Variants in C1orf21 observed in about 807,000 individuals in gnomAD.
C1orf21 encodes chromosome 1 open reading frame 21.
Under a neutral mutation model 18.7 loss-of-function variants are expected in C1orf21, and 3 were observed. That is an observed-to-expected ratio of 0.16 (90% CI 0.07 to 0.42). The LOEUF is 0.42. C1orf21 is among the 10% of genes least tolerant of loss of function. The pLI is 0.99. For synonymous variants in C1orf21, 41 were observed against 46.4 expected (o/e 0.88, Z 0.47); for missense variants, 104 against 143.6 (o/e 0.72, Z 1.41).
intron 3 of C1orf21, among the ~76,000 whole-genome samples, chr1:184,569,931 C>A (rs1444309781): frequency 6.6e-6 from 1 of 152,136 alleles, no homozygotes; most frequent in East Asian, 1.9e-4. Flanking sequence ...GGCCCTTTAA[C>A]TGAGTCTTCA....
chr1:184,490,144 T>C (rs2101955654), intron 2 of C1orf21, among the ~76,000 whole-genome samples: 1 of 152,342 alleles, frequency 6.6e-6, no homozygotes, highest in African/African-American at 2.4e-5. Context: ...CTGGCACTTG[T>C]TGGTTTCATT....
chr1:184,547,319 A>G (rs1263130975), intron 3 of C1orf21, among the ~76,000 whole-genome samples: 2 of 150,870 alleles, frequency 1.3e-5, no homozygotes, highest in African/African-American at 4.9e-5. Context: ...CAGGGTCTGA[A>G]TTATTCTGTT....
At chr1:184,553,446 C>T (rs371606586) in intron 3 of C1orf21, among the ~76,000 whole-genome samples, 1 of 152,288 alleles carries the variant, frequency 6.6e-6, no homozygotes, top group East Asian at 1.9e-4. Context: ...GCCGTAAACA[C>T]TGAATGGACT....
At chr1:184,524,631 G>A (rs143975220) in intron 3 of C1orf21, among the ~76,000 whole-genome samples, 80 of 151,598 alleles carry the variant, frequency 5.3e-4, no homozygotes, top group African/African-American at 1.9e-3. Context: ...TAGAACTAGG[G>A]TTTTTTTTAA....
intron 3 of C1orf21, among the ~76,000 whole-genome samples, chr1:184,586,238 G>C (rs1394657556): frequency 1.3e-5 from 2 of 150,762 alleles, no homozygotes; most frequent in African/African-American, 2.4e-5. Flanking sequence ...ATTGTTGGCT[G>C]CATGTCTGTC....
chr1:184,415,181 A>G (rs1656429684), intron 1 of C1orf21, among the ~76,000 whole-genome samples: 2 of 152,188 alleles, frequency 1.3e-5, no homozygotes, highest in African/African-American at 4.8e-5. Flanking sequence ...GGAGATGGGC[A>G]TAGGTAGCCC....
intron 3 of C1orf21, among the ~76,000 whole-genome samples, chr1:184,511,721 A>G (rs1658148982): frequency 6.6e-6 from 1 of 152,228 alleles, no homozygotes; most frequent in Non-Finnish European, 1.5e-5. Flanking sequence ...TAACTGAGTC[A>G]CAGTTCCGCA....
At chr1:184,463,734 A>G (rs76035196) in intron 1 of C1orf21, among the ~76,000 whole-genome samples, 2 of 152,240 alleles carry the variant, frequency 1.3e-5, no homozygotes, top group Admixed American at 1.3e-4. Context: ...ATAGAGGTAA[A>G]TGCTAACTTC....
chr1:184,623,360 A>G lies in C1orf21; in HGVS notation c.*3804A>G, dbSNP rs1053519047. On this transcript the variant is annotated 3_prime_UTR_variant, in exon 6 of 6. Transcript: ENST00000235307. ...TCTCTCCTTCCTGCCTCCCCTAAAG[A>G]AAAAGGATATTAGATTGCACACTAT... 3.3e-5 allele frequency: 5 copies of G among 152,154 alleles called. No individual in the cohort carries two copies. Among genetic ancestry groups the G allele is most frequent in the African/African-American group, 9.7e-5 (4 of 41,384 alleles). The allele number at this position is 152,154 out of a possible 1,614,324, so 9.4% of individuals were successfully genotyped here.
rs146271966 is a variant in C1orf21 at position 184,528,891 on chromosome 1, A to G, written c.189+21209A>G. 5.0e-3 allele frequency among the ~76,000 whole-genome samples: 755 copies of G among 152,282 alleles called. 7 individuals carry two copies. Among genetic ancestry groups the G allele is most frequent in the African/African-American group, 0.017 (714 of 41,564 alleles). Reference sequence around the variant, plus strand: ...TGTAAGCATATTCCCAAATACAGCCATTCTCTTCTGTTGATTTATTTCCTT... The same window carrying G: ...TGTAAGCATATTCCCAAATACAGCCGTTCTCTTCTGTTGATTTATTTCCTT... On this transcript the variant is annotated intron_variant, in intron 3 of 5. Transcript: ENST00000235307.
At chr1:184,506,412 A>G (rs918760101) in intron 2 of C1orf21, among the ~76,000 whole-genome samples, 14 of 152,214 alleles carry the variant, frequency 9.2e-5, no homozygotes, top group African/African-American at 2.7e-4. Flanking sequence ...AAGTGGTGTT[A>G]TAGATACTAA....
chr1:184,495,812 G>T lies in C1orf21; in HGVS notation c.95-11776G>T, dbSNP rs185808360. Among the ~76,000 whole-genome samples, 426 of 151,586 alleles carry T rather than the reference G, an allele frequency of 2.8e-3. 1 individual carries two copies. The highest frequency in any genetic ancestry group is 9.9e-3 in the African/African-American group (408 of 41,284). On this transcript the variant is annotated intron_variant, in intron 2 of 5. Transcript: ENST00000235307. ...GCAGGTGACGTAATCTCAGCTACTCGGGAGACTGAGGCAGAGAATTGCTTG... is the reference window on the plus strand; with the variant it reads ...GCAGGTGACGTAATCTCAGCTACTCTGGAGACTGAGGCAGAGAATTGCTTG...
chr1:184,427,158 C>T (rs988665318), intron 1 of C1orf21, among the ~76,000 whole-genome samples: 1 of 152,176 alleles, frequency 6.6e-6, no homozygotes, highest in Non-Finnish European at 1.5e-5. Flanking sequence ...ACTTCCTGCT[C>T]ACCAAGAACT....
rs557100929 is a variant in C1orf21, at chr1:184,509,091, T to C, written c.189+1409T>C. Among the ~76,000 whole-genome samples the C allele has an allele frequency of 1.3e-4, 20 of 152,316 alleles. 1 individual carries two copies. Among genetic ancestry groups the C allele is most frequent in the African/African-American group, 4.3e-4 (18 of 41,590 alleles). ...TTACTGTAGAGGCTAGAGAGCTACT[T>C]GTGAGTAGTCTGGCAGTGGTTTCTC... On this transcript the variant is annotated intron_variant, in intron 3 of 5. Coordinates refer to ENST00000235307, the MANE Select transcript of C1orf21 (RefSeq NM_030806.4).
At chr1:184,435,442 C>G (rs1324024792) in intron 1 of C1orf21, among the ~76,000 whole-genome samples, 6 of 152,210 alleles carry the variant, frequency 3.9e-5, no homozygotes, top group Admixed American at 6.5e-5. Flanking sequence ...CTCCCAAGTG[C>G]AAGCAATTCT....
intron 3 of C1orf21, among the ~76,000 whole-genome samples, chr1:184,576,101 A>G (rs1659185591): frequency 6.6e-6 from 1 of 151,866 alleles, no homozygotes; most frequent in South Asian, 2.1e-4. Context: ...GCAGAGGTAA[A>G]TCAAGTTGAG....
At chr1:184,554,621 T>A (rs1658854598) in intron 3 of C1orf21, among the ~76,000 whole-genome samples, 1 of 152,248 alleles carries the variant, frequency 6.6e-6, no homozygotes, top group African/African-American at 2.4e-5. Context: ...ACCCCATCTC[T>A]TAACTGGCTT....
chr1:184,457,880 A>G (rs1657245125), intron 1 of C1orf21, among the ~76,000 whole-genome samples: 1 of 152,232 alleles, frequency 6.6e-6, no homozygotes, highest in Non-Finnish European at 1.5e-5. Flanking sequence ...CCTGATAAGT[A>G]TTCGCTTATT....
chr1:184,530,079 GTACA>G (rs1460251353), intron 3 of C1orf21, among the ~76,000 whole-genome samples: 1 of 152,074 alleles, frequency 6.6e-6, no homozygotes, highest in Admixed American at 6.6e-5. Context: ...GCAATGCCTG[GTACA>G]TAATAGGTCC....
Sources: allele counts gnomAD v4.1 joint callset (sites outside exome capture counted in the v4.1 genomes callset), GRCh38; gene constraint gnomAD v4.1.1; transcripts MANE v1.5; gene names NCBI Gene and HGNC (gene_info 2026-07-23, HGNC 2026-07-21).